The following FBXL17 variants were observed in gnomAD, a reference collection of about 807,000 sequenced individuals.
FBXL17 encodes F-box/LRR-repeat protein 17.
Under a neutral mutation model 66.2 loss-of-function variants are expected in FBXL17, and 22 were observed. The observed-to-expected ratio is 0.33, with a 90% CI of 0.24 to 0.47. The LOEUF is 0.47. FBXL17 is among the 20% of genes least tolerant of loss of function. The probability of loss-of-function intolerance (pLI) is 1.00; values close to 1 mark genes in which losing one functional copy is unlikely to be tolerated. For missense variants in FBXL17, 878 were observed against 948.2 expected (o/e 0.93, Z 0.97); for synonymous variants, 474 against 400.5 (o/e 1.18, Z -2.19).
intron 4 of FBXL17, among the ~76,000 whole-genome samples, chr5:108,336,835 A>T (rs1269326058): frequency 1.3e-5 from 2 of 152,208 alleles, no homozygotes; most frequent in Admixed American, 6.5e-5. Context: ...CAATTCAGTA[A>T]ATAAAAATTG....
At chr5:108,157,442 CG>C (rs1188756354) in intron 6 of FBXL17, among the ~76,000 whole-genome samples, 7 of 151,462 alleles carry the variant, frequency 4.6e-5, no homozygotes, top group Non-Finnish European at 1.0e-4. Flanking sequence ...CAGGAAGGTT[CG>C]TTTTTTTAAA....
intron 4 of FBXL17, among the ~76,000 whole-genome samples, chr5:108,275,270 A>T (rs1164895677): frequency 6.6e-6 from 1 of 152,214 alleles, no homozygotes; most frequent in African/African-American, 2.4e-5. Context: ...CTCCAACAGA[A>T]AAGTTGGTCA....
chr5:108,069,322 G>A (rs756772708), intron 6 of FBXL17, among the ~76,000 whole-genome samples: 4 of 152,066 alleles, frequency 2.6e-5, no homozygotes, highest in Admixed American at 6.6e-5. Flanking sequence ...TCAACAATTC[G>A]GCTTATGGCG....
chr5:108,380,576 A>ACG, intron 1 of FBXL17, 123 bp downstream of exon 1: 1 of 523,378 alleles, frequency 1.9e-6, no homozygotes, highest in Non-Finnish European at 3.0e-6. Context: ...TCCCCTTGGG[A>ACG]CGTCCCTAGG....
chr5:108,209,588 T>A (rs183654607), intron 5 of FBXL17, among the ~76,000 whole-genome samples: 112 of 152,308 alleles, frequency 7.4e-4, no homozygotes, highest in African/African-American at 2.6e-3. Flanking sequence ...CTGTCATTGG[T>A]TCTGTTTATG....
intron 4 of FBXL17, among the ~76,000 whole-genome samples, chr5:108,308,923 A>C (rs1758984042): frequency 6.6e-6 from 1 of 152,094 alleles, no homozygotes; most frequent in South Asian, 2.1e-4. Flanking sequence ...GTAATCTGCC[A>C]ATAGGTAGCA....
At chr5:108,007,249 T>A (rs752406258) in intron 7 of FBXL17, among the ~76,000 whole-genome samples, 4 of 152,118 alleles carry the variant, frequency 2.6e-5, no homozygotes, top group Non-Finnish European at 5.9e-5. Context: ...GGGAATTGAG[T>A]ATGTGTTAGT....
intron 6 of FBXL17, among the ~76,000 whole-genome samples, chr5:108,118,227 T>A (rs1245017974): frequency 6.6e-6 from 1 of 152,202 alleles, no homozygotes; most frequent in Admixed American, 6.5e-5. Flanking sequence ...AATCCTTATC[T>A]CCAGTCCTGA....
At chr5:108,266,752 C>T (rs1041203466) in intron 4 of FBXL17, among the ~76,000 whole-genome samples, 1 of 152,076 alleles carries the variant, frequency 6.6e-6, no homozygotes, top group Non-Finnish European at 1.5e-5. Context: ...TTTGCCATCA[C>T]ACCTCAAAAC....
In FBXL17 at chr5:107,919,700, G is replaced by A. The variant is rs969468585; in HGVS notation, c.1823-38521C>T. On this transcript the variant is annotated intron_variant, in intron 7 of 8. Transcript: ENST00000542267. Reference sequence around the variant, plus strand: ...AAATCTTCATGGCTCATACTCTCTCGTCTTTCAGATCTTTCTTACAGAGTC... The same window carrying A: ...AAATCTTCATGGCTCATACTCTCTCATCTTTCAGATCTTTCTTACAGAGTC... Among the ~76,000 whole-genome samples, 8 of 151,982 alleles carry A rather than the reference G, an allele frequency of 5.3e-5. No individual in the cohort carries two copies. In the East Asian group the frequency reaches 5.8e-4, roughly 11 times the overall value.
intron 7 of FBXL17, among the ~76,000 whole-genome samples, chr5:107,905,431 T>TTTG (rs1234651931): frequency 6.6e-6 from 1 of 152,176 alleles, no homozygotes; most frequent in Non-Finnish European, 1.5e-5. Context: ...ATCTACTTTT[T>TTTG]TTGTTGTTGT....
chr5:108,155,166 TATTATAATAC>T (rs898949155), intron 6 of FBXL17, among the ~76,000 whole-genome samples: 2 of 152,128 alleles, frequency 1.3e-5, no homozygotes, highest in African/African-American at 4.8e-5. Flanking sequence ...AAAACTGAGA[TATTATAATAC>T]ATACAGCAGG....
intron 7 of FBXL17, among the ~76,000 whole-genome samples, chr5:107,893,862 T>C (rs887491870): frequency 6.6e-6 from 1 of 152,192 alleles, no homozygotes; most frequent in Admixed American, 6.6e-5. Flanking sequence ...CACTTCCACA[T>C]TGCAGTGATG....
chr5:108,298,157 A>G, intron 4 of FBXL17: 1 of 974,318 alleles, frequency 1.0e-6, no homozygotes, highest in South Asian at 4.8e-5. Flanking sequence ...GGAGCAAGAA[A>G]CATAAAGTAC....
intron 4 of FBXL17, chr5:108,299,291 A>G (rs1410135663): frequency 3.0e-6 from 3 of 984,736 alleles, no homozygotes; most frequent in African/African-American, 1.7e-5. Context: ...TTTCCAAATT[A>G]AACCTGAGGT....
chr5:108,293,461 A>G (rs1374346879), intron 4 of FBXL17, among the ~76,000 whole-genome samples: 1 of 152,146 alleles, frequency 6.6e-6, no homozygotes, highest in African/African-American at 2.4e-5. Flanking sequence ...TGTTTCCTCT[A>G]TAATTTCCCT....
At chr5:108,374,312 A>C (rs1471118740) in intron 1 of FBXL17, among the ~76,000 whole-genome samples, 1 of 152,232 alleles carries the variant, frequency 6.6e-6, no homozygotes, top group Non-Finnish European at 1.5e-5. Flanking sequence ...GTCAAGTCTC[A>C]ACAAATTTGA....
intron 6 of FBXL17, among the ~76,000 whole-genome samples, chr5:108,057,500 T>C (rs776836166): frequency 3.3e-5 from 5 of 152,138 alleles, no homozygotes; most frequent in African/African-American, 4.8e-5. Context: ...TAACTCCATC[T>C]CCCCAAGCTC....
intron 6 of FBXL17, among the ~76,000 whole-genome samples, chr5:108,035,206 G>A (rs913456009): frequency 1.3e-5 from 2 of 152,074 alleles, no homozygotes; most frequent in African/African-American, 4.8e-5. Context: ...ACAAATAATT[G>A]CAAAGGAGAA....
Sources: gnomAD v4.1 joint callset for allele counts (sites outside exome capture counted in the v4.1 genomes callset) on GRCh38, gnomAD v4.1.1 for gene constraint, MANE v1.5 for transcripts, NCBI Gene and HGNC (gene_info 2026-07-23, HGNC 2026-07-21) for gene names.